Variants in KCNMB2 observed in about 807,000 individuals in gnomAD.
The protein encoded by KCNMB2 is calcium-activated potassium channel subunit beta-2.
Under a neutral mutation model 24.5 loss-of-function variants are expected in KCNMB2, and 9 were observed. The ratio of observed to expected loss-of-function variants is 0.37; its 90% CI spans 0.22 to 0.64. The LOEUF (loss-of-function observed/expected upper bound fraction) is 0.64, where lower values mean the gene tolerates loss of function less well. Among genes scored for constraint, KCNMB2 ranks in the 30% least tolerant of loss-of-function variants. The probability of loss-of-function intolerance (pLI) is 0.63; values close to 1 mark genes in which losing one functional copy is unlikely to be tolerated. For synonymous variants in KCNMB2, 109 were observed against 104.4 expected (o/e 1.04, Z -0.27); for missense variants, 226 against 284.3 (o/e 0.79, Z 1.47).
chr3:178,798,824 G>T (rs1371830442), intron 1 of KCNMB2, among the ~76,000 whole-genome samples: 1 of 151,772 alleles, frequency 6.6e-6, no homozygotes, highest in South Asian at 2.1e-4. Flanking sequence ...AACCACCATG[G>T]CACATGTTTA....
intron 1 of KCNMB2, among the ~76,000 whole-genome samples, chr3:178,680,106 A>G (rs1385602648): frequency 6.6e-6 from 1 of 152,134 alleles, no homozygotes; most frequent in Admixed American, 6.5e-5. Flanking sequence ...CCCTCTGCGC[A>G]TAAATTAGCA....
At chr3:178,815,761 T>C (rs1714381663) in intron 2 of KCNMB2, among the ~76,000 whole-genome samples, 1 of 152,040 alleles carries the variant, frequency 6.6e-6, no homozygotes, top group South Asian at 2.1e-4. Flanking sequence ...TTGTCAAATA[T>C]GTTTATCTAC....
rs1259065385 is a variant in KCNMB2, at chr3:178,715,631, C to CATGA, written c.-67-91712_-67-91711insATGA. ...ACTGTAAATCAAGCATATCTGGAAACCACACCATACTGCTGTCATGGGTTT... is the reference window on the plus strand; with the variant it reads ...ACTGTAAATCAAGCATATCTGGAAACATGACACACCATACTGCTGTCATGGGTTT... On this transcript the variant is annotated intron_variant, in intron 1 of 4. Transcript: ENST00000452583. Among the ~76,000 whole-genome samples the CATGA allele has an allele frequency of 1.8e-4, 27 of 152,208 alleles. 1 individual carries two copies. Among genetic ancestry groups the CATGA allele is most frequent in the Non-Finnish European group, 4.4e-5 (3 of 68,036 alleles).
At chr3:178,709,320 T>C (rs7637074) in intron 1 of KCNMB2, among the ~76,000 whole-genome samples, 61,395 of 152,046 alleles carry the variant, frequency 0.4, 12,482 homozygotes, top group Middle Eastern at 0.52. Flanking sequence ...AGGCAACAGT[T>C]TTCCTGCTTT....
chr3:178,766,797 T>G (rs953154735), intron 1 of KCNMB2, among the ~76,000 whole-genome samples: 4 of 152,222 alleles, frequency 2.6e-5, no homozygotes, highest in Admixed American at 6.5e-5. Context: ...GATGTTGATA[T>G]AATTTTAGAG....
intron 1 of KCNMB2, among the ~76,000 whole-genome samples, chr3:178,683,458 G>T (rs1397655847): frequency 6.6e-6 from 1 of 152,062 alleles, no homozygotes; most frequent in East Asian, 1.9e-4. Flanking sequence ...ATCTGCACAT[G>T]TACCCACTGA....
intron 1 of KCNMB2, among the ~76,000 whole-genome samples, chr3:178,586,534 C>CTTTTTTTTTTTT (rs1717436976): frequency 1.0e-4 from 7 of 68,484 alleles, no homozygotes; most frequent in South Asian, 5.2e-4. Flanking sequence ...TTTTTTTTTT[C>CTTTTTTTTTTTT]TTTCTTTTTT....
At chr3:178,636,204 T>C (rs1461142507) in intron 1 of KCNMB2, among the ~76,000 whole-genome samples, 1 of 152,078 alleles carries the variant, frequency 6.6e-6, no homozygotes, top group East Asian at 1.9e-4. Context: ...TCAAAAAAGA[T>C]CCCTTCAGCA....
At chr3:178,664,534 A>C (rs1196730854) in intron 1 of KCNMB2, among the ~76,000 whole-genome samples, 3 of 151,962 alleles carry the variant, frequency 2.0e-5, no homozygotes, top group African/African-American at 4.8e-5. Flanking sequence ...TGTAAGGAGG[A>C]GATTATGAAG....
At chr3:178,784,740 T>C (rs1446585479) in intron 1 of KCNMB2, among the ~76,000 whole-genome samples, 12 of 152,014 alleles carry the variant, frequency 7.9e-5, no homozygotes, top group Admixed American at 7.9e-4. Context: ...TCTTTAAGTA[T>C]AATCCTTCAA....
intron 1 of KCNMB2, among the ~76,000 whole-genome samples, chr3:178,606,278 T>C (rs972182860): frequency 6.6e-6 from 1 of 152,088 alleles, no homozygotes; most frequent in Non-Finnish European, 1.5e-5. Flanking sequence ...AGTGGAGCCA[T>C]TGCCTGAGTT....
intron 1 of KCNMB2, among the ~76,000 whole-genome samples, chr3:178,712,750 A>G (rs1722495371): frequency 6.6e-6 from 1 of 152,202 alleles, no homozygotes; most frequent in South Asian, 2.1e-4. Flanking sequence ...CAGACTCCAG[A>G]GACTTCTGCC....
chr3:178,800,866 T>C (rs1713748047), intron 1 of KCNMB2, among the ~76,000 whole-genome samples: 2 of 152,178 alleles, frequency 1.3e-5, no homozygotes, highest in African/African-American at 2.4e-5. Context: ...GATCCTGTCA[T>C]TTATTCCAAC....
At chr3:178,550,475 A>AG in intron 1 of KCNMB2, among the ~76,000 whole-genome samples, 1 of 151,452 alleles carries the variant, frequency 6.6e-6, no homozygotes, top group East Asian at 1.9e-4. Context: ...AAAAAAAAAA[A>AG]AAAAAAAGAT....
intron 1 of KCNMB2, among the ~76,000 whole-genome samples, chr3:178,652,028 A>G (rs1416500317): frequency 6.6e-6 from 1 of 152,244 alleles, no homozygotes; most frequent in Non-Finnish European, 1.5e-5. Flanking sequence ...CTTCATGACT[A>G]AAACACCAAA....
intron 1 of KCNMB2, among the ~76,000 whole-genome samples, chr3:178,793,629 T>C (rs1346718089): frequency 6.6e-6 from 1 of 151,876 alleles, no homozygotes; most frequent in African/African-American, 2.4e-5. Context: ...CGGCATGAAA[T>C]GGAGGTTCCT....
intron 1 of KCNMB2, among the ~76,000 whole-genome samples, chr3:178,712,432 G>A (rs1032015147): frequency 6.6e-6 from 1 of 152,196 alleles, no homozygotes; most frequent in Non-Finnish European, 1.5e-5. Flanking sequence ...TTTATTGAAT[G>A]TTTCCCAGGT....
At chr3:178,797,488 C>A (rs574457022) in intron 1 of KCNMB2, among the ~76,000 whole-genome samples, 69 of 152,232 alleles carry the variant, frequency 4.5e-4, no homozygotes, top group Admixed American at 5.9e-4. Context: ...CAACAAACAG[C>A]AAATCAAACT....
intron 1 of KCNMB2, among the ~76,000 whole-genome samples, chr3:178,614,151 TC>T (rs140801020): frequency 0.22 from 32,273 of 145,168 alleles, 4,191 homozygotes; most frequent in Middle Eastern, 0.38. Context: ...TCTGCTTGAT[TC>T]CTTTTAATTA....
Sources: allele counts gnomAD v4.1 joint callset (sites outside exome capture counted in the v4.1 genomes callset), GRCh38; gene constraint gnomAD v4.1.1; transcripts MANE v1.5; gene names NCBI Gene and HGNC (gene_info 2026-07-23, HGNC 2026-07-21).